Variants in SCEL observed in about 807,000 individuals in gnomAD.
SCEL encodes sciellin.
A neutral mutation model predicts 117.6 loss-of-function variants in SCEL; 113 were observed. That is an observed-to-expected ratio of 0.96 (90% CI 0.83 to 1.12). The LOEUF is 1.12. Ranked by LOEUF, SCEL falls within the 50% of genes most tolerant of loss-of-function variation. SCEL has a pLI of 0.00. For missense variants in SCEL, 785 were observed against 810.8 expected, an observed-to-expected ratio of 0.97 and a Z score of 0.39; for synonymous variants, 270 against 256.2, an observed-to-expected ratio of 1.05 and a Z score of -0.51.
intron 27 of SCEL, among the ~76,000 whole-genome samples, 166 bp from the exon 28 acceptor site, chr13:77,627,781 G>A (rs2089817727): frequency 6.6e-6 from 1 of 151,984 alleles, no homozygotes; most frequent in African/African-American, 2.4e-5. Context: ...TGATCCATGA[G>A]TTGTATGGAT....
chr13:77,543,268 A>G (rs2083816550), intron 1 of SCEL, among the ~76,000 whole-genome samples: 1 of 151,322 alleles, frequency 6.6e-6, no homozygotes, highest in African/African-American at 2.4e-5. Flanking sequence ...TATTTTTAGT[A>G]GAGACGGGGT....
At chr13:77,553,237 A>G (rs2084448835) in intron 1 of SCEL, among the ~76,000 whole-genome samples, 1 of 152,196 alleles carries the variant, frequency 6.6e-6, no homozygotes. Flanking sequence ...GGCCTTTCCC[A>G]CTGGAAACAG....
chr13:77,558,579 C>T (rs527266191), intron 3 of SCEL, among the ~76,000 whole-genome samples: 5 of 151,690 alleles, frequency 3.3e-5, no homozygotes, highest in South Asian at 2.1e-4. Flanking sequence ...TTTGGGAGGC[C>T]GAGGCGAGCA....
chr13:77,553,628 C>T (rs2084478807), intron 1 of SCEL, among the ~76,000 whole-genome samples: 1 of 152,050 alleles, frequency 6.6e-6, no homozygotes, highest in Non-Finnish European at 1.5e-5. Flanking sequence ...GGATCCCTGA[C>T]ACTCCCGGTG....
chr13:77,553,960 A>C (rs772395955), intron 1 of SCEL, among the ~76,000 whole-genome samples: 1 of 152,088 alleles, frequency 6.6e-6, no homozygotes, highest in South Asian at 2.1e-4. Flanking sequence ...TTGGTTATTC[A>C]TGCAGCAAAC....
At chr13:77,608,145 C>A in intron 20 of SCEL, 30 bp downstream of exon 20, 1 of 1,529,394 alleles carries the variant, frequency 6.5e-7, no homozygotes, top group South Asian at 1.2e-5. Flanking sequence ...TCTCTTCCTT[C>A]CCCTTCCCCA....
In SCEL at chr13:77,599,672, T is replaced by A; in HGVS notation, c.858-17T>A. On this transcript the variant is annotated splice_polypyrimidine_tract_variant and intron_variant, in intron 14 of 32. Transcript: ENST00000349847. ...TTCAGTATGCAGCCTTTTATGTGAA[T>A]TTCTTTGTGTTTTCAGAGCCAAAAG... 1 of 1,589,672 alleles carries A rather than the reference T, an allele frequency of 6.3e-7. No homozygotes were observed. The highest frequency in any genetic ancestry group is 8.6e-7 in the Non-Finnish European group (1 of 1,157,670).
intron 4 of SCEL, among the ~76,000 whole-genome samples, chr13:77,563,584 G>A (rs2085108278): frequency 6.6e-6 from 1 of 152,106 alleles, no homozygotes; most frequent in African/African-American, 2.4e-5. Flanking sequence ...ATTTGAATAT[G>A]TTACATTGTT....
chr13:77,587,538 T>TC (rs908357040), intron 9 of SCEL, among the ~76,000 whole-genome samples: 1 of 152,116 alleles, frequency 6.6e-6, no homozygotes, highest in Non-Finnish European at 1.5e-5. Context: ...GATTTTTTTT[T>TC]CTTTTCCCAC....
At chr13:77,595,400 T>C (rs1158894944) in intron 12 of SCEL, among the ~76,000 whole-genome samples, 1 of 152,266 alleles carries the variant, frequency 6.6e-6, no homozygotes, top group East Asian at 1.9e-4. Context: ...ACAAATGCAA[T>C]GGTGAAACTT....
intron 3 of SCEL, 38 bp downstream of exon 3, chr13:77,556,751 C>A (rs2084681699): frequency 7.6e-7 from 1 of 1,312,026 alleles, no homozygotes; most frequent in Non-Finnish European, 1.1e-6. Flanking sequence ...GACAGAAGGG[C>A]AGAGAGAGGC....
At chr13:77,634,952 G>A (rs1481084572) in intron 29 of SCEL, among the ~76,000 whole-genome samples, 2 of 152,162 alleles carry the variant, frequency 1.3e-5, no homozygotes, top group Non-Finnish European at 2.9e-5. Flanking sequence ...TGTAAACCAA[G>A]GTCAGGGCTC....
chr13:77,572,397 G>A lies in SCEL; in HGVS notation c.545+208G>A, dbSNP rs116179528. Reference sequence around the variant, plus strand: ...TCTGACAAACTGCTAGGAATGAGTAGGTGGCTGTATTAGATTGCTAGGGTT... The same window carrying A: ...TCTGACAAACTGCTAGGAATGAGTAAGTGGCTGTATTAGATTGCTAGGGTT... On this transcript the variant is annotated intron_variant, in intron 9 of 32. Transcript: ENST00000349847. 3.3e-3 allele frequency among the ~76,000 whole-genome samples: 505 copies of A among 152,298 alleles called. 2 individuals are homozygous for A. Among genetic ancestry groups the A allele is most frequent in the African/African-American group, 0.011 (477 of 41,576 alleles).
intron 9 of SCEL, among the ~76,000 whole-genome samples, chr13:77,579,449 A>G (rs1421002538): frequency 1.3e-5 from 2 of 152,128 alleles, no homozygotes; most frequent in Non-Finnish European, 2.9e-5. Context: ...GTCTTTTTGT[A>G]GTTGTGCTGT....
chr13:77,602,063 A>G lies in SCEL; in HGVS notation c.918-2A>G, dbSNP rs2087747149. ...TCTTTCTTTTCCCCCAATGTTGTAA[A>G]GAATCCAAAGCCTTGGAAGTCCGAT... is the stretch of plus-strand genomic sequence containing the variant. On this transcript the variant is annotated splice_acceptor_variant, in intron 15 of 32. Transcript: ENST00000349847. LOFTEE classifies it high-confidence loss of function. The G allele has an allele frequency of 6.2e-7, 1 of 1,607,706 alleles. No individual in the cohort carries two copies. The highest frequency in any genetic ancestry group is 8.5e-7 in the Non-Finnish European group (1 of 1,177,842).
At chr13:77,606,170 G>A (rs1427054409) in intron 19 of SCEL, among the ~76,000 whole-genome samples, 2 of 152,152 alleles carry the variant, frequency 1.3e-5, no homozygotes, top group Non-Finnish European at 2.9e-5. Flanking sequence ...GTACATGAGT[G>A]TGTGCATTGC....
At chr13:77,573,296 C>T (rs747959338) in intron 9 of SCEL, among the ~76,000 whole-genome samples, 2 of 152,144 alleles carry the variant, frequency 1.3e-5, no homozygotes, top group African/African-American at 2.4e-5. Flanking sequence ...GAAACAAAAA[C>T]AGGTCTCCTA....
At chr13:77,625,861 A>G (rs1773631019) in intron 27 of SCEL, among the ~76,000 whole-genome samples, 1 of 152,234 alleles carries the variant, frequency 6.6e-6, no homozygotes, top group Non-Finnish European at 1.5e-5. Context: ...GGAGATTTTT[A>G]AAAAACAGTT....
At chr13:77,586,436 A>G (rs570489462) in intron 9 of SCEL, among the ~76,000 whole-genome samples, 1 of 151,946 alleles carries the variant, frequency 6.6e-6, no homozygotes, top group Non-Finnish European at 1.5e-5. Flanking sequence ...CCAGTCCATT[A>G]ATTCTACCAG....
Sources: allele counts gnomAD v4.1 joint callset (sites outside exome capture counted in the v4.1 genomes callset), GRCh38; gene constraint gnomAD v4.1.1; transcripts MANE v1.5; gene names NCBI Gene and HGNC (gene_info 2026-07-23, HGNC 2026-07-21).